The following ICMT variants were observed in gnomAD, a reference collection of about 807,000 sequenced individuals.
ICMT encodes isoprenylcysteine carboxyl methyltransferase.
Under a neutral mutation model 32.2 loss-of-function variants are expected in ICMT, and 10 were observed. The ratio of observed to expected loss-of-function variants is 0.31; its 90% CI spans 0.19 to 0.53. The LOEUF is 0.53. ICMT is among the 20% of genes least tolerant of loss of function. The pLI is 0.96. For synonymous variants in ICMT, 183 were observed against 158.2 expected (o/e 1.16, Z -1.18); for missense variants, 265 against 356.9 (o/e 0.74, Z 2.07).
chr1:6,224,399 T>C lies in ICMT; in HGVS notation c.*681A>G, dbSNP rs1027836421. On this transcript the variant is annotated 3_prime_UTR_variant, in exon 5 of 5. Coordinates refer to ENST00000343813, the MANE Select transcript of ICMT (RefSeq NM_012405.4). ...CACACAAAGCCACTCAGCCAAATCG[T>C]GTAGAGTTATCTAGGCTTACTTGCT... is the stretch of plus-strand genomic sequence containing the variant. 1.3e-5 allele frequency: 2 copies of C among 152,116 alleles called. No individual in the cohort carries two copies. The highest frequency in any genetic ancestry group is 2.4e-5 in the African/African-American group (1 of 41,418). The allele number at this position is 152,116 out of a possible 1,614,324, so 9.4% of individuals were successfully genotyped here. A position where few individuals can be genotyped will look rare whatever the true frequency, so the allele number is the denominator to read the frequency against.
At position 6,235,911 on chromosome 1, in the gene ICMT, TGGCGCCGGGCGGCGGACTAGCGGGCGGC is replaced by T. The variant is rs1338190746; in HGVS notation, c.-28_-1del. 5.0e-5 allele frequency: 55 copies of T among 1,098,604 alleles called. No individual in the cohort carries two copies. In the African/African-American group the frequency reaches 9.4e-4, roughly 19 times the overall value. The allele number at this position is 1,098,604 out of a possible 1,614,324, so 68.1% of individuals were successfully genotyped here. ...GGAGCCCGCGCCGCGCAGCCCGCCA[TGGCGCCGGGCGGCGGACTAGCGGGCGGC>T]GGCGCCGGCTGTAGCCCGGAGAAAC... On this transcript the variant is annotated 5_prime_UTR_variant, in exon 1 of 5. Coordinates refer to ENST00000343813, the MANE Select transcript of ICMT (RefSeq NM_012405.4).
intron 1 of ICMT, 126 bp from the exon 2 acceptor site, chr1:6,235,100 G>C (rs1232168035): frequency 1.4e-6 from 1 of 706,802 alleles, no homozygotes; most frequent in African/African-American, 1.8e-5. Context: ...GGTTGAAAGG[G>C]AGAAGTGGGC....
At chr1:6,233,728 C>T in intron 2 of ICMT, 85 bp from the exon 3 acceptor site, 3 of 1,144,554 alleles carry the variant, frequency 2.6e-6, no homozygotes, top group Non-Finnish European at 3.8e-6. Context: ...TGAGCTGTCC[C>T]TAAGTCTATG....
At chr1:6,230,253 T>C (rs1451806341) in intron 4 of ICMT, among the ~76,000 whole-genome samples, 2 of 152,300 alleles carry the variant, frequency 1.3e-5, no homozygotes, top group East Asian at 3.9e-4. Context: ...TAGCTGAGAC[T>C]ATAGGCATGT....
intron 4 of ICMT, among the ~76,000 whole-genome samples, chr1:6,229,133 T>C (rs987547236): frequency 6.6e-6 from 1 of 151,206 alleles, no homozygotes. Context: ...ACCGCAGGAG[T>C]TCGAGGCCAG....
At position 6,225,093 on chromosome 1, in the gene ICMT, T is replaced by C. The variant is rs768201294; in HGVS notation, c.842A>G (p.Lys281Arg). The part of the protein sequence containing the change: ...PTGLPFIKGV[K>R]VDL Reference sequence around the variant, plus strand: ...GGCCACTGCCCGTCACAGGTCCACCTTGACCCCCTTTATGAAAGGCAGGCC... The same window carrying C: ...GGCCACTGCCCGTCACAGGTCCACCCTGACCCCCTTTATGAAAGGCAGGCC... Residue 281 changes from lysine to arginine, a missense_variant, in exon 5 of 5, where the codon AAG (lysine) becomes AGG (arginine). By Grantham distance (26) the Lys-to-Arg change is conservative. Coordinates refer to ENST00000343813, the MANE Select transcript of ICMT (RefSeq NM_012405.4). 6.8e-6 allele frequency: 11 copies of C among 1,613,304 alleles called. No individual in the cohort carries two copies. Among genetic ancestry groups the C allele is most frequent in the South Asian group, 6.6e-5 (6 of 91,000 alleles).
intron 3 of ICMT, 118 bp from the exon 4 acceptor site, chr1:6,232,237 G>T: frequency 1.5e-6 from 1 of 666,446 alleles, no homozygotes; most frequent in Non-Finnish European, 2.5e-6. Context: ...TGTGCTGCTG[G>T]GCAATCAGCA....
intron 4 of ICMT, among the ~76,000 whole-genome samples, chr1:6,228,268 C>T (rs1668674987): frequency 6.6e-6 from 1 of 152,114 alleles, no homozygotes; most frequent in Non-Finnish European, 1.5e-5. Context: ...CAGGTGCACA[C>T]TACAACTTCC....
intron 4 of ICMT, among the ~76,000 whole-genome samples, chr1:6,230,071 C>T (rs1267049810): frequency 6.6e-6 from 1 of 151,686 alleles, no homozygotes; most frequent in African/African-American, 2.4e-5. Context: ...AGGAGGATGG[C>T]TTGAGCCCAG....
At chr1:6,234,861 C>G (rs113245791) in intron 2 of ICMT, 25 bp downstream of exon 2, 20 of 1,554,112 alleles carry the variant, frequency 1.3e-5, no homozygotes, top group African/African-American at 1.2e-4. Context: ...CGCCTGAAAA[C>G]CAGTATTTCC....
At chr1:6,234,617 C>CG (rs1557603878) in intron 2 of ICMT, 2 of 520,936 alleles carry the variant, frequency 3.8e-6, no homozygotes, top group East Asian at 8.5e-5. Flanking sequence ...GCTCAAGTTA[C>CG]GGAATGCTGT....
Position 6,225,056 on chromosome 1 carries a change from C to A in ICMT, c.*24G>T. On this transcript the variant is annotated 3_prime_UTR_variant, in exon 5 of 5. Coordinates refer to ENST00000343813, the MANE Select transcript of ICMT (RefSeq NM_012405.4). Reference sequence around the variant, plus strand: ...CCAGGCTGCACAGGGTCGGAGGCCCCAAGGTCACCGGGGCCACTGCCCGTC... The same window carrying A: ...CCAGGCTGCACAGGGTCGGAGGCCCAAAGGTCACCGGGGCCACTGCCCGTC... 3 of 1,603,766 alleles carry A rather than the reference C, an allele frequency of 1.9e-6. No individual in the cohort carries two copies. Among genetic ancestry groups the A allele is most frequent in the Non-Finnish European group, 2.6e-6 (3 of 1,174,420 alleles).
intron 4 of ICMT, among the ~76,000 whole-genome samples, chr1:6,229,073 C>T (rs59876019): frequency 0.039 from 5,946 of 151,832 alleles, 122 homozygotes; most frequent in Middle Eastern, 0.061. Context: ...TGTGGTGGCT[C>T]ACGCCTGTAA....
chr1:6,234,550 A>G, intron 2 of ICMT: 1 of 487,510 alleles, frequency 2.1e-6, no homozygotes, highest in South Asian at 1.6e-5. Context: ...CATGAAGACA[A>G]GCCAGAGCCC....
At position 6,233,604 on chromosome 1, in the gene ICMT, G is replaced by A. The variant is rs1668770548; in HGVS notation, c.324C>T (p.Tyr108=). Reference sequence around the variant, plus strand: ...TGGGATTATTGACTGCTGTCACCAAGTATTCAGAATAGTGGAACAATGACA... The same window carrying A: ...TGGGATTATTGACTGCTGTCACCAAATATTCAGAATAGTGGAACAATGACA... The part of the protein sequence containing the change: ...CSLSLFHYSE[Y]LVTAVNNPKS... The change falls in exon 3 of 5, where the codon TAC becomes TAT. Residue 108 remains tyrosine, a synonymous_variant. Transcript: ENST00000343813. The A allele has an allele frequency of 6.2e-7, 1 of 1,613,814 alleles. No individual in the cohort carries two copies. The highest frequency in any genetic ancestry group is 1.3e-5 in the African/African-American group (1 of 74,932).
In ICMT at chr1:6,223,317, C is replaced by T. The variant is rs1434273340; in HGVS notation, c.*1763G>A. 2.6e-5 allele frequency: 4 copies of T among 152,172 alleles called. No homozygotes were observed. In the East Asian group the frequency reaches 7.7e-4, roughly 29 times the overall value. The allele number at this position is 152,172 out of a possible 1,614,324, so 9.4% of individuals were successfully genotyped here. On this transcript the variant is annotated 3_prime_UTR_variant, in exon 5 of 5. Transcript: ENST00000343813. ...AGAGACGGGGTTTTATCATGTTGGC[C>T]AGGCTGGTCTCGAACGCCTGACCTC...
At position 6,225,176 on chromosome 1, in the gene ICMT, G is replaced by A; in HGVS notation, c.759C>T (p.Ile253=). 6.2e-7 allele frequency: 1 copy of A among 1,614,150 alleles called. No homozygotes were observed. Among genetic ancestry groups the A allele is most frequent in the Non-Finnish European group, 8.5e-7 (1 of 1,180,022 alleles). ...CCTCTCCAAAAAAGTGAATTAGTGA[G>A]ATTTCTTCTTCTTCTGTTCGATCGC... ...FFRDRTEEEE[I]SLIHFFGEEY... The change falls in exon 5 of 5, where the codon ATC becomes ATT. Residue 253 remains isoleucine, a synonymous_variant. Transcript: ENST00000343813.
rs1668798692 is a variant in ICMT, at chr1:6,235,038, A to G, written c.196-64T>C. 4 of 1,369,584 alleles carry G rather than the reference A, an allele frequency of 2.9e-6. No individual in the cohort carries two copies. In the Admixed American group the frequency reaches 5.1e-5, roughly 18 times the overall value. 84.8% of individuals were successfully genotyped at this position (1,369,584 alleles called of 1,614,324 possible). ...CTCAGAGTACAGATCTGGGCTGCTG[A>G]CCTTCCCGGAATAGGCAACCCACAG... On this transcript the variant is annotated intron_variant, in intron 1 of 4. Coordinates refer to ENST00000343813, the MANE Select transcript of ICMT (RefSeq NM_012405.4).
intron 4 of ICMT, among the ~76,000 whole-genome samples, chr1:6,229,868 TTTTC>T (rs530425536): frequency 4.1e-4 from 63 of 151,890 alleles, no homozygotes; most frequent in African/African-American, 1.2e-3. Flanking sequence ...TTACACTTCT[TTTTC>T]TTTTTTTCTT....
Sources: gnomAD v4.1 joint callset for allele counts (sites outside exome capture counted in the v4.1 genomes callset) on GRCh38, gnomAD v4.1.1 for gene constraint, MANE v1.5 for transcripts, NCBI Gene and HGNC (gene_info 2026-07-23, HGNC 2026-07-21) for gene names.